CDKAL1: variants seen among roughly 807,000 people sequenced by gnomAD.
The protein encoded by CDKAL1 is CDKAL1 threonylcarbamoyladenosine tRNA methylthiotransferase.
A neutral mutation model predicts 68.2 loss-of-function variants in CDKAL1; 32 were observed. That is an observed-to-expected ratio of 0.47 (90% CI 0.35 to 0.63). The LOEUF is 0.63. Among genes scored for constraint, CDKAL1 ranks in the 30% least tolerant of loss-of-function variants. The probability of loss-of-function intolerance (pLI) is 0.00; values close to 1 mark genes in which losing one functional copy is unlikely to be tolerated. For missense variants in CDKAL1, 606 were observed against 696.7 expected (o/e 0.87, Z 1.47); for synonymous variants, 234 against 244.3 (o/e 0.96, Z 0.39).
chr6:21,114,663 C>G (rs1183226543), intron 13 of CDKAL1, among the ~76,000 whole-genome samples: 1 of 151,914 alleles, frequency 6.6e-6, no homozygotes, highest in African/African-American at 2.4e-5. Flanking sequence ...GGCTTAAGTC[C>G]AGGAGTTCGA....
chr6:21,210,880 C>T (rs1348770190), intron 15 of CDKAL1, among the ~76,000 whole-genome samples: 1 of 152,154 alleles, frequency 6.6e-6, no homozygotes, highest in Non-Finnish European at 1.5e-5. Flanking sequence ...CACCCAGAAC[C>T]ACACAGGAGC....
chr6:20,966,327 A>G (rs1765311041), intron 10 of CDKAL1, among the ~76,000 whole-genome samples: 1 of 152,246 alleles, frequency 6.6e-6, no homozygotes, highest in Non-Finnish European at 1.5e-5. Flanking sequence ...ATTCTTTAAT[A>G]TCATTTAACA....
intron 11 of CDKAL1, 150 bp downstream of exon 11, chr6:21,000,522 C>T (rs1257286006): frequency 1.6e-6 from 1 of 620,982 alleles, no homozygotes; most frequent in East Asian, 2.8e-5. Context: ...CTCCTTGGCA[C>T]CTTTGATGTG....
At chr6:20,855,823 T>A (rs937629917) in intron 9 of CDKAL1, among the ~76,000 whole-genome samples, 13 of 152,242 alleles carry the variant, frequency 8.5e-5, no homozygotes, top group African/African-American at 1.7e-4. Flanking sequence ...GGAATACTTT[T>A]AAAAATTTTT....
At chr6:21,187,247 C>T (rs746652468) in intron 13 of CDKAL1, among the ~76,000 whole-genome samples, 1 of 152,128 alleles carries the variant, frequency 6.6e-6, no homozygotes, top group Non-Finnish European at 1.5e-5. Context: ...GGATAGAATC[C>T]ATTTTTAACA....
At chr6:20,557,851 T>C (rs1215602936) in intron 4 of CDKAL1, among the ~76,000 whole-genome samples, 1 of 152,148 alleles carries the variant, frequency 6.6e-6, no homozygotes, top group Non-Finnish European at 1.5e-5. Context: ...TGCTTGAACC[T>C]GGGAGGCGGA....
intron 9 of CDKAL1, among the ~76,000 whole-genome samples, chr6:20,852,631 C>T (rs1008187264): frequency 5.9e-5 from 9 of 152,278 alleles, no homozygotes; most frequent in East Asian, 3.9e-4. Context: ...TAAGATTAAT[C>T]GCTGTGACTT....
At chr6:21,226,457 G>A (rs1779747813) in intron 15 of CDKAL1, among the ~76,000 whole-genome samples, 1 of 152,104 alleles carries the variant, frequency 6.6e-6, no homozygotes, top group Admixed American at 6.5e-5. Flanking sequence ...GATTTACAAG[G>A]GAAGACAAAC....
At chr6:20,688,778 T>A in intron 5 of CDKAL1, among the ~76,000 whole-genome samples, 1 of 152,248 alleles carries the variant, frequency 6.6e-6, no homozygotes, top group East Asian at 1.9e-4. Flanking sequence ...TCTCTTCAAA[T>A]TGTCTTTGAT....
rs1197574844 is a variant in CDKAL1 at position 20,786,494 on chromosome 6, C to CTTTTTTTTTTT, written c.638+5240_638+5250dup. On this transcript the variant is annotated intron_variant, in intron 8 of 15. Transcript: ENST00000274695. Reference sequence around the variant, plus strand: ...GTGTGACTCCCTTATTTTTTCTTATCTTTTTTTTTTTTTTTTTTTTTGAGA... The same window carrying CTTTTTTTTTTT: ...GTGTGACTCCCTTATTTTTTCTTATCTTTTTTTTTTTTTTTTTTTTTTTTTTTTTTTTGAGA... Among the ~76,000 whole-genome samples the CTTTTTTTTTTT allele has an allele frequency of 3.7e-5, 3 of 80,730 alleles. 1 individual carries two copies. Among genetic ancestry groups the CTTTTTTTTTTT allele is most frequent in the African/African-American group, 1.5e-4 (3 of 20,044 alleles). 53.0% of individuals were successfully genotyped at this position (80,730 alleles called of 152,430 possible). A position where few individuals can be genotyped will look rare whatever the true frequency, so the allele number is the denominator to read the frequency against.
intron 9 of CDKAL1, among the ~76,000 whole-genome samples, chr6:20,952,769 T>C (rs1246326800): frequency 4.6e-5 from 7 of 152,260 alleles, no homozygotes; most frequent in Non-Finnish European, 4.4e-5. Flanking sequence ...TGACTTCATA[T>C]GCAAGCGTGG....
chr6:20,866,233 G>C (rs1206341234), intron 9 of CDKAL1, among the ~76,000 whole-genome samples: 1 of 152,136 alleles, frequency 6.6e-6, no homozygotes, highest in African/African-American at 2.4e-5. Context: ...AAAAAATAAA[G>C]TAAAAGCTAA....
intron 4 of CDKAL1, among the ~76,000 whole-genome samples, chr6:20,578,085 C>T (rs1764986593): frequency 6.6e-6 from 1 of 152,160 alleles, no homozygotes; most frequent in South Asian, 2.1e-4. Flanking sequence ...GTTATTGTAA[C>T]CTTCCTTCCC....
chr6:20,764,731 T>C (rs1232070078), intron 7 of CDKAL1, among the ~76,000 whole-genome samples: 4 of 152,188 alleles, frequency 2.6e-5, no homozygotes, highest in Non-Finnish European at 5.9e-5. Context: ...AGCTTAGATA[T>C]GTAGCATGGT....
chr6:20,670,170 CTG>C (rs1438595186), intron 5 of CDKAL1, among the ~76,000 whole-genome samples: 1 of 152,178 alleles, frequency 6.6e-6, no homozygotes, highest in Non-Finnish European at 1.5e-5. Context: ...TAACCCATCT[CTG>C]TGAAAAAGAA....
At chr6:20,845,163 A>G (rs377701069) in intron 8 of CDKAL1, among the ~76,000 whole-genome samples, 1 of 152,320 alleles carries the variant, frequency 6.6e-6, no homozygotes, top group East Asian at 1.9e-4. Flanking sequence ...ATTTTTCTCA[A>G]TATGAAATTT....
At chr6:20,636,025 G>A (rs1411283911) in intron 4 of CDKAL1, among the ~76,000 whole-genome samples, 3 of 152,082 alleles carry the variant, frequency 2.0e-5, no homozygotes, top group Non-Finnish European at 2.9e-5. Context: ...GTGTCCCCTC[G>A]TCTTCAGAGA....
intron 9 of CDKAL1, among the ~76,000 whole-genome samples, chr6:20,880,547 G>T (rs746347097): frequency 6.6e-6 from 1 of 152,052 alleles, no homozygotes; most frequent in South Asian, 2.1e-4. Flanking sequence ...GAGCCACCGC[G>T]CCTGGCCAAG....
At chr6:20,598,904 G>A (rs1319164050) in intron 4 of CDKAL1, among the ~76,000 whole-genome samples, 4 of 151,254 alleles carry the variant, frequency 2.6e-5, no homozygotes, top group Non-Finnish European at 5.9e-5. Context: ...CTTTTTAGTC[G>A]GCCTAAATTT....
Sources: gnomAD v4.1 joint callset for allele counts (sites outside exome capture counted in the v4.1 genomes callset) on GRCh38, gnomAD v4.1.1 for gene constraint, MANE v1.5 for transcripts, NCBI Gene and HGNC (gene_info 2026-07-23, HGNC 2026-07-21) for gene names.